Variants in KIF1B observed in about 807,000 individuals in gnomAD.
The protein encoded by KIF1B is kinesin-like protein KIF1B.
A neutral mutation model predicts 241.9 loss-of-function variants in KIF1B; 76 were observed. The ratio of observed to expected loss-of-function variants is 0.31; its 90% confidence interval spans 0.26 to 0.38. The LOEUF (loss-of-function observed/expected upper bound fraction) is 0.38, where lower values mean the gene tolerates loss of function less well. KIF1B is among the 10% of genes least tolerant of loss of function. The pLI, the probability that KIF1B is intolerant of heterozygous loss-of-function variation, is 1.00. For synonymous variants in KIF1B, 750 were observed against 796.7 expected (o/e 0.94, Z 0.99); for missense variants, 1,622 against 2,271.4 (o/e 0.71, Z 5.81).
At position 10,297,303 on chromosome 1, in the gene KIF1B, T is replaced by C. The variant is rs1296351228; in HGVS notation, c.2115+57T>C. 42 of 1,490,678 alleles carry C rather than the reference T, an allele frequency of 2.8e-5. No individual in the cohort carries two copies. The Admixed American group carries it at 6.4e-4, about 23-fold the overall frequency. The allele number at this position is 1,490,678 out of a possible 1,614,324, so 92.3% of individuals were successfully genotyped here. Reference sequence around the variant, plus strand: ...AAAAGGGCAGCTTGTTCCCATACTTTCCCTGTTCCACAGAGCAGTACTCAC... The same window carrying C: ...AAAAGGGCAGCTTGTTCCCATACTTCCCCTGTTCCACAGAGCAGTACTCAC... On this transcript the variant is annotated intron_variant, in intron 22 of 48. Coordinates refer to ENST00000676179, the MANE Select transcript of KIF1B (RefSeq NM_001365951.3).
intron 14 of KIF1B, among the ~76,000 whole-genome samples, chr1:10,280,472 G>T (rs1649355525): frequency 6.6e-6 from 1 of 152,012 alleles, no homozygotes; most frequent in South Asian, 2.1e-4. Flanking sequence ...TTGACCTCGT[G>T]ATCCTCCTGC....
At chr1:10,327,945 C>T (rs1251687282) in intron 27 of KIF1B, among the ~76,000 whole-genome samples, 1 of 152,108 alleles carries the variant, frequency 6.6e-6, no homozygotes, top group African/African-American at 2.4e-5. Flanking sequence ...TGGCTCACAC[C>T]TGTAATCTCA....
At chr1:10,260,088 A>G (rs1224149337) in intron 4 of KIF1B, among the ~76,000 whole-genome samples, 6 of 152,210 alleles carry the variant, frequency 3.9e-5, no homozygotes, top group Non-Finnish European at 8.8e-5. Flanking sequence ...CATTGTACAG[A>G]TATCATAGAG....
chr1:10,272,004 A>G (rs1286261817), intron 8 of KIF1B, among the ~76,000 whole-genome samples: 1 of 152,242 alleles, frequency 6.6e-6, no homozygotes, highest in Non-Finnish European at 1.5e-5. Flanking sequence ...GGCTGCACAC[A>G]TCTGTAAGCT....
chr1:10,273,553 G>A (rs1353494892), intron 10 of KIF1B, among the ~76,000 whole-genome samples: 1 of 152,122 alleles, frequency 6.6e-6, no homozygotes, highest in Admixed American at 6.5e-5. Context: ...CTTGAGGTCT[G>A]TGCAATCTAA....
intron 27 of KIF1B, among the ~76,000 whole-genome samples, chr1:10,331,454 G>T (rs1202876141): frequency 1.3e-5 from 2 of 152,092 alleles, no homozygotes; most frequent in East Asian, 3.8e-4. Context: ...AGACTGAAAG[G>T]GAAGTGGCAT....
chr1:10,350,411 T>G (rs896212304), intron 37 of KIF1B, among the ~76,000 whole-genome samples: 3 of 151,818 alleles, frequency 2.0e-5, no homozygotes, highest in African/African-American at 7.3e-5. Context: ...TACAAAAAAA[T>G]TAGCCAGGCG....
intron 35 of KIF1B, 21 bp downstream of exon 35, chr1:10,345,974 T>G: frequency 1.3e-6 from 2 of 1,501,946 alleles, no homozygotes; most frequent in South Asian, 1.1e-5. Flanking sequence ...CTTAATAAAT[T>G]TTTAAATAAG....
chr1:10,260,891 C>T (rs980719791), intron 4 of KIF1B, among the ~76,000 whole-genome samples: 5 of 151,236 alleles, frequency 3.3e-5, no homozygotes, highest in African/African-American at 1.2e-4. Flanking sequence ...AGAAACCACA[C>T]ACACACTTTG....
chr1:10,306,216 T>C, intron 22 of KIF1B: 1 of 1,040,850 alleles, frequency 9.6e-7, no homozygotes. Flanking sequence ...GCTAGAACAG[T>C]TGAAGTCTTC....
chr1:10,346,013 T>A lies in KIF1B; in HGVS notation c.3797+60T>A, dbSNP rs1465168063. 3.8e-6 allele frequency: 4 copies of A among 1,056,102 alleles called. No homozygotes were observed. The African/African-American group carries it at 6.3e-5, about 17-fold the overall frequency. The allele number at this position is 1,056,102 out of a possible 1,614,324, so 65.4% of individuals were successfully genotyped here. ...AAATGTTTCAAATTAGGAAATGCAA[T>A]TTTGAATCTTCTTGTATTTGGGTTC... On this transcript the variant is annotated intron_variant, in intron 35 of 48. Transcript: ENST00000676179.
chr1:10,222,488 A>G (rs1199493465), intron 1 of KIF1B, among the ~76,000 whole-genome samples: 3 of 152,212 alleles, frequency 2.0e-5, no homozygotes, highest in Non-Finnish European at 4.4e-5. Context: ...TTTTAGGAAT[A>G]TAATCCTGGC....
chr1:10,215,691 A>G (rs917255170), intron 1 of KIF1B, among the ~76,000 whole-genome samples: 2 of 151,932 alleles, frequency 1.3e-5, no homozygotes, highest in Admixed American at 1.3e-4. Flanking sequence ...GATCACAGGC[A>G]TGCGCTACCA....
chr1:10,279,196 T>C (rs1287958031), intron 14 of KIF1B, 58 bp downstream of exon 14: 5 of 1,155,362 alleles, frequency 4.3e-6, no homozygotes, highest in Non-Finnish European at 6.3e-6. Context: ...CTGCCTCTGC[T>C]GGATCAGCCT....
intron 38 of KIF1B, among the ~76,000 whole-genome samples, chr1:10,358,435 A>C (rs1164044855): frequency 6.6e-6 from 1 of 152,198 alleles, no homozygotes; most frequent in Non-Finnish European, 1.5e-5. Flanking sequence ...ATATCACCAA[A>C]GTCATAAATG....
chr1:10,237,891 C>T (rs1289522197), intron 2 of KIF1B, among the ~76,000 whole-genome samples: 2 of 151,680 alleles, frequency 1.3e-5, no homozygotes, highest in East Asian at 1.9e-4. Flanking sequence ...CACCTGTAGT[C>T]GTAGCTACTA....
At chr1:10,291,925 C>T (rs1429416347) in intron 16 of KIF1B, 122 bp from the exon 17 acceptor site, 3 of 771,930 alleles carry the variant, frequency 3.9e-6, no homozygotes, top group African/African-American at 3.4e-5. Context: ...TTTATGTTTG[C>T]ATTATTGGCT....
chr1:10,328,302 A>G (rs991623164), intron 27 of KIF1B, among the ~76,000 whole-genome samples: 1 of 152,362 alleles, frequency 6.6e-6, no homozygotes, highest in Admixed American at 6.5e-5. Flanking sequence ...GGGGGAAAAG[A>G]AAAGCTTTTT....
intron 38 of KIF1B, among the ~76,000 whole-genome samples, chr1:10,354,650 T>C (rs1235240355): frequency 6.6e-6 from 1 of 152,004 alleles, no homozygotes; most frequent in Non-Finnish European, 1.5e-5. Flanking sequence ...TGAAGTTAGA[T>C]AATAATAATA....
Sources: gnomAD v4.1 joint callset for allele counts (sites outside exome capture counted in the v4.1 genomes callset) on GRCh38, gnomAD v4.1.1 for gene constraint, MANE v1.5 for transcripts, NCBI Gene and HGNC (gene_info 2026-07-23, HGNC 2026-07-21) for gene names.